The following DDX1 variants were observed in gnomAD, a reference collection of about 807,000 sequenced individuals.
DDX1 encodes the protein DEAD-box helicase 1.
A neutral mutation model predicts 108.7 loss-of-function variants in DDX1; 28 were observed. That is an observed-to-expected ratio of 0.26 (90% CI 0.19 to 0.35). The LOEUF (loss-of-function observed/expected upper bound fraction) is 0.35, where lower values mean the gene tolerates loss of function less well. Ranked by LOEUF, DDX1 falls within the 10% of genes least tolerant of loss-of-function variation. The pLI is 1.00. For missense variants in DDX1, 710 were observed against 884.5 expected (o/e 0.80, Z 2.50); for synonymous variants, 295 against 288.9 (o/e 1.02, Z -0.21).
intron 13 of DDX1, among the ~76,000 whole-genome samples, chr2:15,612,561 G>A (rs1665793375): frequency 1.3e-5 from 2 of 150,708 alleles, no homozygotes; most frequent in African/African-American, 4.9e-5. Context: ...CGTCCCAGAT[G>A]ATGGGCGGCC....
At chr2:15,616,018 G>C (rs1030925416) in intron 14 of DDX1, among the ~76,000 whole-genome samples, 2 of 151,916 alleles carry the variant, frequency 1.3e-5, no homozygotes, top group African/African-American at 4.8e-5. Context: ...TCAGCCTCCT[G>C]AGTAGCTGGG....
chr2:15,621,363 A>G lies in DDX1; in HGVS notation c.1447+247A>G, dbSNP rs926088457. On this transcript the variant is annotated intron_variant, in intron 18 of 25. Transcript: ENST00000233084. ...TTCTTGTCACCCAAGCTGGAGTGCA[A>G]TGGCACAGTCTCAGCTCAAGGCAAC... is the stretch of plus-strand genomic sequence containing the variant. 3.4e-5 allele frequency: 14 copies of G among 413,618 alleles called. No homozygotes were observed. The Admixed American group carries it at 4.0e-4, about 12-fold the overall frequency. The allele number at this position is 413,618 out of a possible 1,614,324, so 25.6% of individuals were successfully genotyped here. A position where few individuals can be genotyped will look rare whatever the true frequency, so the allele number is the denominator to read the frequency against.
chr2:15,619,016 GC>G (rs1665945711), intron 16 of DDX1, among the ~76,000 whole-genome samples: 1 of 152,196 alleles, frequency 6.6e-6, no homozygotes, highest in African/African-American at 2.4e-5. Context: ...GCCTTTTAGG[GC>G]CCCCCGAGTG....
chr2:15,621,341 T>C, intron 18 of DDX1: 1 of 451,890 alleles, frequency 2.2e-6, no homozygotes. Flanking sequence ...AGTCATGTTC[T>C]TGTCACCCAA....
intron 7 of DDX1, 132 bp from the exon 8 acceptor site, chr2:15,603,060 A>G (rs1161323814): frequency 4.7e-6 from 3 of 641,532 alleles, no homozygotes; most frequent in Non-Finnish European, 8.0e-6. Context: ...AAGGTGTTTG[A>G]TGGTACAAAT....
At chr2:15,629,906 C>A in intron 24 of DDX1, 84 bp from the exon 25 acceptor site, 2 of 1,340,236 alleles carry the variant, frequency 1.5e-6, no homozygotes, top group Non-Finnish European at 2.1e-6. Context: ...AGCATTCTGG[C>A]CTTTCCAGCT....
chr2:15,613,680 A>G (rs1028916657), intron 14 of DDX1, among the ~76,000 whole-genome samples: 1 of 152,178 alleles, frequency 6.6e-6, no homozygotes, highest in Non-Finnish European at 1.5e-5. Flanking sequence ...GGAAGGATGA[A>G]TAATGATAAG....
chr2:15,628,683 G>A lies in DDX1; in HGVS notation c.1805G>A (p.Arg602Gln), dbSNP rs1450410081. The A allele has an allele frequency of 6.8e-6, 11 of 1,613,138 alleles. No individual in the cohort carries two copies. Among genetic ancestry groups the A allele is most frequent in the East Asian group, 2.2e-5 (1 of 44,840 alleles). ...GATGAAAAGCAAAACTACGTACATC[G>A]AATTGGCAGAGTAGGAAGAGCTGAA... Reference protein sequence around the residue: ...LPDEKQNYVHRIGRVGRAERM... With the variant: ...LPDEKQNYVHQIGRVGRAERM... The change falls in exon 22 of 26, where the codon CGA becomes CAA. Residue 602 changes from arginine (R) to glutamine (Q), a missense_variant. Around this residue, in one of 3 missense-constraint regions of DDX1, gnomAD observed 661 missense variants for 810.2 expected, o/e 0.82. Coordinates refer to ENST00000233084, the MANE Select transcript of DDX1 (RefSeq NM_004939.3).
chr2:15,607,454 T>C, intron 13 of DDX1, 141 bp downstream of exon 13: 2 of 611,956 alleles, frequency 3.3e-6, no homozygotes, highest in East Asian at 6.1e-5. Flanking sequence ...TATACTTTAA[T>C]AATTTCCATA....
chr2:15,627,929 T>C (rs1457712967), intron 20 of DDX1, among the ~76,000 whole-genome samples: 1 of 152,168 alleles, frequency 6.6e-6, no homozygotes, highest in Non-Finnish European at 1.5e-5. Flanking sequence ...TCTCTAATTT[T>C]GCTGTGCCTT....
intron 10 of DDX1, 43 bp from the exon 11 acceptor site, chr2:15,605,906 CT>C (rs1413277697): frequency 7.4e-7 from 1 of 1,354,698 alleles, no homozygotes. Context: ...TGAGGAAGGT[CT>C]TTTCTGATTG....
At position 15,618,223 on chromosome 2, in the gene DDX1, A is replaced by T; in HGVS notation, c.1159A>T (p.Met387Leu). The T allele has an allele frequency of 6.3e-7, 1 of 1,591,998 alleles. No homozygotes were observed. Among genetic ancestry groups the T allele is most frequent in the South Asian group, 1.1e-5 (1 of 87,338 alleles). ...AGGTTATTCTGATTTTATAAATAGG[A>T]TGCACAATCAGATTCCTCAGGTTAC... ...SQGYSDFINRMHNQIPQVTSD... is the reference protein window; with the variant it reads ...SQGYSDFINRLHNQIPQVTSD... Residue 387 changes from methionine (M) to leucine (L), a missense_variant, in exon 16 of 26, where the codon ATG (methionine) becomes TTG (leucine). Coordinates refer to ENST00000233084, the MANE Select transcript of DDX1 (RefSeq NM_004939.3).
intron 14 of DDX1, 46 bp downstream of exon 14, chr2:15,613,330 G>T (rs753135401): frequency 1.5e-6 from 2 of 1,344,018 alleles, no homozygotes; most frequent in East Asian, 2.3e-5. Flanking sequence ...ATGGGCTGTC[G>T]TTTTAGCAAT....
At position 15,622,649 on chromosome 2, in the gene DDX1, G is replaced by T. The variant is rs867792736; in HGVS notation, c.1448-787G>T. ...TTTATATGTAGGTCTAAATTAACAA[G>T]ACACATACTTAGTTATCCTTATTGT... On this transcript the variant is annotated intron_variant, in intron 18 of 25. Transcript: ENST00000233084. 7.2e-5 allele frequency among the ~76,000 whole-genome samples: 11 copies of T among 152,298 alleles called. No individual in the cohort carries two copies. In the Middle Eastern group the frequency reaches 0.01, roughly 141 times the overall value.
intron 14 of DDX1, among the ~76,000 whole-genome samples, chr2:15,614,540 G>T (rs773968953): frequency 6.6e-6 from 1 of 152,164 alleles, no homozygotes; most frequent in African/African-American, 2.4e-5. Flanking sequence ...GCTTTTAACA[G>T]ATGATTAGAT....
rs142199140 is a variant in DDX1 at position 15,623,803 on chromosome 2, C to CA, written c.1594+222dup. Among the ~76,000 whole-genome samples, 1,439 of 152,070 alleles carry CA rather than the reference C, an allele frequency of 9.5e-3. 13 individuals carry two copies. Among genetic ancestry groups the CA allele is most frequent in the Non-Finnish European group, 0.011 (718 of 67,964 alleles). On this transcript the variant is annotated intron_variant, in intron 19 of 25. Transcript: ENST00000233084. ...CATTTTCATTACAGTAAACTTGAAT[C>CA]ACAGCATCCTAAGAGTTTTATATTA...
chr2:15,610,336 T>C (rs1481741720), intron 13 of DDX1, among the ~76,000 whole-genome samples: 1 of 152,250 alleles, frequency 6.6e-6, no homozygotes, highest in Non-Finnish European at 1.5e-5. Flanking sequence ...TAAGATAGAC[T>C]ATGCCTAACC....
At chr2:15,621,234 G>A in intron 18 of DDX1, 118 bp downstream of exon 18, 1 of 690,572 alleles carries the variant, frequency 1.4e-6, no homozygotes, top group Non-Finnish European at 2.5e-6. Flanking sequence ...TGGAAATAAA[G>A]GCAACAAAAA....
chr2:15,599,890 A>C (rs1206051390), intron 6 of DDX1, among the ~76,000 whole-genome samples, 174 bp downstream of exon 6: 3 of 152,260 alleles, frequency 2.0e-5, no homozygotes, highest in Non-Finnish European at 2.9e-5. Flanking sequence ...CATAATGGAA[A>C]TAAATCTCAG....
Sources: gnomAD v4.1 joint callset for allele counts (sites outside exome capture counted in the v4.1 genomes callset) on GRCh38, gnomAD v4.1.1 for gene constraint, gnomAD v4.1.1 regional missense constraint, MANE v1.5 for transcripts, NCBI Gene and HGNC (gene_info 2026-07-23, HGNC 2026-07-21) for gene names.